The following KHDRBS2 variants were observed in gnomAD, a reference collection of about 807,000 sequenced individuals.
KHDRBS2 encodes the protein KH domain-containing, RNA-binding, signal transduction-associated protein 2.
In KHDRBS2, 26 loss-of-function variants were observed where a neutral mutation model predicts 44.3. That is an observed-to-expected ratio of 0.59 (90% CI 0.43 to 0.81). The LOEUF is 0.81. KHDRBS2 is among the 40% of genes least tolerant of loss of function. KHDRBS2 has a pLI of 0.00. For synonymous variants in KHDRBS2, 194 were observed against 151.1 expected (o/e 1.28, Z -2.08); for missense variants, 476 against 433.1 (o/e 1.10, Z -0.88).
intron 6 of KHDRBS2, among the ~76,000 whole-genome samples, chr6:61,759,150 C>T (rs140172473): frequency 6.6e-6 from 1 of 152,192 alleles, no homozygotes; most frequent in East Asian, 1.9e-4. Flanking sequence ...AATGAATAGT[C>T]ACTATTTCTT....
intron 4 of KHDRBS2, among the ~76,000 whole-genome samples, chr6:61,923,481 C>T (rs1286479332): frequency 6.6e-6 from 1 of 151,796 alleles, no homozygotes; most frequent in Non-Finnish European, 1.5e-5. Flanking sequence ...ATATGTAAGG[C>T]CGTATGGGCT....
At chr6:61,609,865 T>C in the KHDRBS2 span, among the ~76,000 whole-genome samples, 1 of 152,318 alleles carries the variant, frequency 6.6e-6, no homozygotes, top group Admixed American at 6.5e-5. Flanking sequence ...TCTTTCACGA[T>C]GTTCCAGTTT....
intron 6 of KHDRBS2, among the ~76,000 whole-genome samples, chr6:61,744,050 T>C (rs1023501397): frequency 2.0e-5 from 3 of 152,188 alleles, no homozygotes; most frequent in Non-Finnish European, 4.4e-5. Flanking sequence ...TTAGGTTGGA[T>C]CCAAGTCTCT....
At chr6:61,661,812 G>A in the KHDRBS2 span, among the ~76,000 whole-genome samples, 150 of 152,038 alleles carry the variant, frequency 9.9e-4, no homozygotes, top group African/African-American at 3.5e-3. Context: ...CGTGAAAATG[G>A]CCATACTGCC....
In KHDRBS2 at chr6:62,013,043, C is replaced by A. The variant is rs1780588291; in HGVS notation, c.337-34831G>T. Among the ~76,000 whole-genome samples the A allele has an allele frequency of 2.0e-5, 3 of 152,094 alleles. No homozygotes were observed. The South Asian group carries it at 6.2e-4, about 31-fold the overall frequency. On this transcript the variant is annotated intron_variant, in intron 3 of 8. Transcript: ENST00000281156. ...GAGGATCACGTCATGCATTGTGCTC[C>A]TAGAAATTGAATAGCTTCTTCACTG...
chr6:61,956,187 C>T (rs1325428498), intron 4 of KHDRBS2, among the ~76,000 whole-genome samples: 2 of 150,582 alleles, frequency 1.3e-5, no homozygotes, highest in Non-Finnish European at 2.9e-5. Flanking sequence ...AGCAAGACTC[C>T]TTGTCAAAAA....
At chr6:61,796,147 G>A (rs1562198734) in intron 6 of KHDRBS2, among the ~76,000 whole-genome samples, 1 of 151,888 alleles carries the variant, frequency 6.6e-6, no homozygotes, top group Non-Finnish European at 1.5e-5. Flanking sequence ...AAAATAACTA[G>A]TCTTTTGTAG....
the KHDRBS2 span, among the ~76,000 whole-genome samples, chr6:61,562,024 G>C: frequency 1.3e-5 from 2 of 152,032 alleles, no homozygotes; most frequent in Non-Finnish European, 2.9e-5. Context: ...ATGGCCAAAT[G>C]ACCATGTTTA....
At chr6:62,153,091 G>A (rs1269653255) in intron 2 of KHDRBS2, among the ~76,000 whole-genome samples, 1 of 152,160 alleles carries the variant, frequency 6.6e-6, no homozygotes, top group Non-Finnish European at 1.5e-5. Context: ...TTGCTCAATG[G>A]CAAAAACATT....
intron 3 of KHDRBS2, among the ~76,000 whole-genome samples, chr6:62,010,670 T>C (rs1056667800): frequency 2.0e-4 from 30 of 152,094 alleles, no homozygotes; most frequent in Non-Finnish European, 3.5e-4. Context: ...GGTCTGATGG[T>C]TTTAAAAATG....
At chr6:61,986,149 A>G (rs984472225) in intron 3 of KHDRBS2, among the ~76,000 whole-genome samples, 1 of 152,180 alleles carries the variant, frequency 6.6e-6, no homozygotes, top group Non-Finnish European at 1.5e-5. Flanking sequence ...TAAAACAGGG[A>G]GACTGCGGAC....
At chr6:61,669,278 G>GATT in the KHDRBS2 span, among the ~76,000 whole-genome samples, 11 of 150,856 alleles carry the variant, frequency 7.3e-5, no homozygotes, top group South Asian at 2.1e-3. Context: ...TTTTTCTTCA[G>GATT]ATTATTATTA....
chr6:61,613,960 G>C, the KHDRBS2 span, among the ~76,000 whole-genome samples: 13 of 152,120 alleles, frequency 8.5e-5, no homozygotes, highest in Non-Finnish European at 1.9e-4. Context: ...TCATCCTCCA[G>C]ACCAAAAATA....
At chr6:61,563,638 G>A in the KHDRBS2 span, among the ~76,000 whole-genome samples, 1 of 151,980 alleles carries the variant, frequency 6.6e-6, no homozygotes, top group South Asian at 2.1e-4. Flanking sequence ...TAGGAATCAA[G>A]GGCAATTTTA....
At chr6:61,975,962 G>A (rs1583905870) in intron 4 of KHDRBS2, among the ~76,000 whole-genome samples, 1 of 152,276 alleles carries the variant, frequency 6.6e-6, no homozygotes. Flanking sequence ...GGTGCTTAAT[G>A]AGCAGTGAGC....
At chr6:61,553,280 T>C in the KHDRBS2 span, among the ~76,000 whole-genome samples, 1 of 152,272 alleles carries the variant, frequency 6.6e-6, no homozygotes, top group South Asian at 2.1e-4. Flanking sequence ...ATTTTTTCAT[T>C]TGTGTGTATA....
At chr6:62,152,582 A>G (rs1815452031) in intron 2 of KHDRBS2, among the ~76,000 whole-genome samples, 1 of 152,244 alleles carries the variant, frequency 6.6e-6, no homozygotes, top group South Asian at 2.1e-4. Context: ...TACTCATCTA[A>G]TCTATCAGAT....
At chr6:61,943,475 C>T (rs1331270966) in intron 4 of KHDRBS2, among the ~76,000 whole-genome samples, 1 of 151,970 alleles carries the variant, frequency 6.6e-6, no homozygotes. Flanking sequence ...CCTCACATAT[C>T]AATAAACTTG....
intron 2 of KHDRBS2, among the ~76,000 whole-genome samples, chr6:62,076,774 G>T (rs1796415447): frequency 6.6e-6 from 1 of 151,874 alleles, no homozygotes; most frequent in Non-Finnish European, 1.5e-5. Context: ...AATAAAAATA[G>T]CTCACACCTG....
Sources: allele counts gnomAD v4.1 joint callset (sites outside exome capture counted in the v4.1 genomes callset), GRCh38; gene constraint gnomAD v4.1.1; transcripts MANE v1.5; gene names NCBI Gene and HGNC (gene_info 2026-07-23, HGNC 2026-07-21).